Variants in MCTP2 observed in about 807,000 individuals in gnomAD.
MCTP2 encodes the protein multiple C2 and transmembrane domain containing 2.
In MCTP2, 132 loss-of-function variants were observed where a neutral mutation model predicts 111.6. The observed-to-expected ratio is 1.18, with a 90% CI of 1.03 to 1.37. MCTP2 has a LOEUF of 1.37. Among genes scored for constraint, MCTP2 ranks in the 40% most tolerant of loss-of-function variants. The probability of loss-of-function intolerance (pLI) is 0.00; values close to 1 mark genes in which losing one functional copy is unlikely to be tolerated. For missense variants in MCTP2, 1,183 were observed against 1,067.9 expected, an observed-to-expected ratio of 1.11 and a Z score of -1.50; for synonymous variants, 395 against 387.7, an observed-to-expected ratio of 1.02 and a Z score of -0.22.
At chr15:94,437,930 T>C (rs965140882) in intron 17 of MCTP2, among the ~76,000 whole-genome samples, 1 of 151,498 alleles carries the variant, frequency 6.6e-6, no homozygotes, top group African/African-American at 2.4e-5. Flanking sequence ...AAAGTTCACA[T>C]TGGATTGCCT....
intron 4 of MCTP2, among the ~76,000 whole-genome samples, chr15:94,334,117 C>G (rs936212993): frequency 6.6e-6 from 1 of 152,156 alleles, no homozygotes; most frequent in African/African-American, 2.4e-5. Flanking sequence ...AGTAGTGATA[C>G]TAAACATAGC....
At chr15:94,316,635 T>G (rs1180462240) in intron 4 of MCTP2, among the ~76,000 whole-genome samples, 1 of 152,214 alleles carries the variant, frequency 6.6e-6, no homozygotes. Context: ...TTTTTATAAT[T>G]CTTCATAATT....
chr15:94,245,032 TTATA>T (rs376751727), intron 1 of MCTP2, among the ~76,000 whole-genome samples: 2,372 of 147,246 alleles, frequency 0.016, 86 homozygotes, highest in African/African-American at 0.057. Context: ...GCACCTATGT[TTATA>T]TACGTATATG....
In MCTP2 at chr15:94,476,360, G is replaced by T. The variant is rs189612683; in HGVS notation, c.2471-336G>T. On this transcript the variant is annotated intron_variant, in intron 21 of 22. Transcript: ENST00000357742. The stretch of plus-strand genomic sequence containing the variant: ...CTCCCCAGTTTGAGCGTGTGTTTCT[G>T]TCGCCCTGCTGCTGGGATTGTAATG... The T allele has an allele frequency of 1.8e-4, 32 of 174,790 alleles. No individual in the cohort carries two copies. In the East Asian group the frequency reaches 5.5e-3, roughly 30 times the overall value. The allele number at this position is 174,790 out of a possible 1,614,324, so 10.8% of individuals were successfully genotyped here.
intron 8 of MCTP2, among the ~76,000 whole-genome samples, chr15:94,349,056 T>G (rs1382557541): frequency 2.0e-5 from 3 of 151,986 alleles, no homozygotes; most frequent in Non-Finnish European, 4.4e-5. Context: ...CTTCTATCTC[T>G]ATTTCATCTG....
intron 17 of MCTP2, among the ~76,000 whole-genome samples, chr15:94,415,478 A>G (rs888244353): frequency 6.6e-6 from 1 of 152,192 alleles, no homozygotes; most frequent in Non-Finnish European, 1.5e-5. Flanking sequence ...AGCGGGGCTT[A>G]AAAGGGTCCA....
intron 4 of MCTP2, among the ~76,000 whole-genome samples, chr15:94,327,776 G>A (rs1303874265): frequency 1.3e-5 from 2 of 152,202 alleles, no homozygotes; most frequent in Admixed American, 6.5e-5. Context: ...TATCATCACC[G>A]GACATGTTTG....
intron 2 of MCTP2, among the ~76,000 whole-genome samples, chr15:94,307,846 G>A (rs886829288): frequency 2.6e-5 from 4 of 152,160 alleles, no homozygotes; most frequent in African/African-American, 4.8e-5. Flanking sequence ...GTCACTTTCG[G>A]TGGGGAATGT....
intron 17 of MCTP2, among the ~76,000 whole-genome samples, chr15:94,425,739 G>A (rs1014591945): frequency 6.6e-6 from 1 of 151,982 alleles, no homozygotes; most frequent in Non-Finnish European, 1.5e-5. Context: ...ACATAACAGG[G>A]TATTATGACC....
intron 4 of MCTP2, among the ~76,000 whole-genome samples, chr15:94,331,325 T>G (rs1347546005): frequency 6.6e-6 from 1 of 152,072 alleles, no homozygotes; most frequent in Non-Finnish European, 1.5e-5. Flanking sequence ...AAACAATAAA[T>G]GATGGAAGAG....
intron 4 of MCTP2, among the ~76,000 whole-genome samples, chr15:94,337,805 T>C (rs2077441009): frequency 6.7e-6 from 1 of 148,900 alleles, no homozygotes; most frequent in South Asian, 2.1e-4. Context: ...TATTTGCAGC[T>C]TATTTAATTT....
chr15:94,339,118 G>A (rs111721736), intron 4 of MCTP2, among the ~76,000 whole-genome samples, 172 bp from the exon 5 acceptor site: 4 of 152,132 alleles, frequency 2.6e-5, no homozygotes, highest in African/African-American at 4.8e-5. Context: ...GGAAAAAATC[G>A]TTCATTTACC....
rs1367650977 is a variant in MCTP2 at position 94,285,227 on chromosome 15, T to G, written c.-65-12974T>G. On this transcript the variant is annotated intron_variant, in intron 1 of 22. Coordinates refer to ENST00000357742, the MANE Select transcript of MCTP2 (RefSeq NM_001385001.1). ...AGTTTGACAACATGTGTGAAATGTT[T>G]TCCACCAGGGAAGTTCCTTAGGGAG... is the stretch of plus-strand genomic sequence containing the variant. Among the ~76,000 whole-genome samples, 5 of 152,230 alleles carry G rather than the reference T, an allele frequency of 3.3e-5. No homozygotes were observed. In the East Asian group the frequency reaches 9.6e-4, roughly 29 times the overall value.
intron 20 of MCTP2, among the ~76,000 whole-genome samples, chr15:94,466,883 T>C (rs2073372794): frequency 1.3e-5 from 2 of 152,304 alleles, no homozygotes; most frequent in Admixed American, 1.3e-4. Context: ...AGAAAAGGAA[T>C]GATAAAGTCT....
At position 94,479,888 on chromosome 15, in the gene MCTP2, TAAG is replaced by T. The variant is rs888784538; in HGVS notation, c.*857_*859del. ...TAAATTCTCTAGGTATTTAGAAAGA[TAAG>T]AAACTGAAGACCGAGAGACTAATAA... On this transcript the variant is annotated 3_prime_UTR_variant, in exon 23 of 23. Coordinates refer to ENST00000357742, the MANE Select transcript of MCTP2 (RefSeq NM_001385001.1). The T allele has an allele frequency of 2.6e-5, 4 of 152,326 alleles. No homozygotes were observed. The highest frequency in any genetic ancestry group is 9.6e-5 in the African/African-American group (4 of 41,568). 9.4% of individuals were successfully genotyped at this position (152,326 alleles called of 1,614,324 possible).
intron 1 of MCTP2, among the ~76,000 whole-genome samples, chr15:94,294,942 T>A (rs2075194231): frequency 1.3e-4 from 1 of 7,582 alleles, no homozygotes; most frequent in African/African-American, 8.7e-4. Flanking sequence ...TTTCTTTTCC[T>A]TTTTTTTTTT....
chr15:94,252,586 G>C (rs919264624), intron 1 of MCTP2, among the ~76,000 whole-genome samples: 2 of 151,790 alleles, frequency 1.3e-5, no homozygotes, highest in Non-Finnish European at 2.9e-5. Context: ...ACACAGAGTG[G>C]AGAAAAATAA....
rs1031057539 is a variant in MCTP2, at chr15:94,241,156, C to T, written c.-66+9492C>T. Among the ~76,000 whole-genome samples, 5 of 151,472 alleles carry T rather than the reference C, an allele frequency of 3.3e-5. No individual in the cohort carries two copies. The East Asian group carries it at 5.8e-4, about 18-fold the overall frequency. On this transcript the variant is annotated intron_variant, in intron 1 of 22. Coordinates refer to ENST00000357742, the MANE Select transcript of MCTP2 (RefSeq NM_001385001.1). ...GGGATCCTTTAGTTTCATGTAGAGT[C>T]GGTGGCTTTCTAGGATGTGAGAGCA...
intron 2 of MCTP2, 34 bp from the exon 3 acceptor site, chr15:94,314,248 T>TGTAAAGCAGATTTTTTTTTC: frequency 6.5e-7 from 1 of 1,546,884 alleles, no homozygotes; most frequent in East Asian, 2.2e-5. Context: ...AATTTGCTTT[T>TGTAAAGCAGATTTTTTTTTC]GTAAAGCAGA....
Sources: allele counts gnomAD v4.1 joint callset (sites outside exome capture counted in the v4.1 genomes callset), GRCh38; gene constraint gnomAD v4.1.1; transcripts MANE v1.5; gene names NCBI Gene and HGNC (gene_info 2026-07-23, HGNC 2026-07-21).